Variants in EYA4 observed in about 807,000 individuals in gnomAD.
EYA4 encodes the protein protein phosphatase EYA4.
Under a neutral mutation model 87.9 loss-of-function variants are expected in EYA4, and 31 were observed. That is an observed-to-expected ratio of 0.35 (90% CI 0.27 to 0.48). The LOEUF (loss-of-function observed/expected upper bound fraction) is 0.48. Among genes scored for constraint, EYA4 ranks in the 20% least tolerant of loss-of-function variants. The pLI is 0.99. For missense variants in EYA4, 678 were observed against 761.4 expected (o/e 0.89, Z 1.29); for synonymous variants, 263 against 270.6 (o/e 0.97, Z 0.28).
intron 3 of EYA4, among the ~76,000 whole-genome samples, chr6:133,417,431 A>G (rs977674052): frequency 1.3e-5 from 2 of 152,202 alleles, no homozygotes; most frequent in African/African-American, 2.4e-5. Context: ...TGAGACAGTG[A>G]AAGAGGACCT....
chr6:133,508,340 A>T, intron 14 of EYA4, among the ~76,000 whole-genome samples: 1 of 143,528 alleles, frequency 7.0e-6, no homozygotes, highest in Non-Finnish European at 1.5e-5. Flanking sequence ...ATACAGAATG[A>T]TTTTATATAT....
intron 2 of EYA4, among the ~76,000 whole-genome samples, chr6:133,328,550 G>A (rs951955954): frequency 5.3e-5 from 8 of 152,046 alleles, no homozygotes; most frequent in African/African-American, 1.9e-4. Context: ...TTGATTTTAG[G>A]TAGAGAATAA....
chr6:133,404,280 A>G (rs1057466064), intron 3 of EYA4, among the ~76,000 whole-genome samples: 1 of 152,220 alleles, frequency 6.6e-6, no homozygotes, highest in Non-Finnish European at 1.5e-5. Flanking sequence ...GATGTTACTC[A>G]GTGATGAGGG....
intron 2 of EYA4, among the ~76,000 whole-genome samples, chr6:133,278,163 A>G (rs865879934): frequency 2.4e-4 from 36 of 151,532 alleles, no homozygotes; most frequent in Middle Eastern, 3.4e-3. Flanking sequence ...TGAGGTCTCT[A>G]TGCATTTGCA....
chr6:133,406,897 G>A (rs1788756706), intron 3 of EYA4, among the ~76,000 whole-genome samples: 1 of 152,076 alleles, frequency 6.6e-6, no homozygotes, highest in African/African-American at 2.4e-5. Flanking sequence ...TAAAATTAAA[G>A]TTACTTATAG....
At chr6:133,496,729 T>C (rs1029749283) in intron 13 of EYA4, among the ~76,000 whole-genome samples, 3 of 152,236 alleles carry the variant, frequency 2.0e-5, no homozygotes, top group African/African-American at 7.2e-5. Flanking sequence ...TGAGATAATG[T>C]ACGTATATAA....
At chr6:133,292,706 A>G (rs1435928937) in intron 2 of EYA4, among the ~76,000 whole-genome samples, 4 of 152,226 alleles carry the variant, frequency 2.6e-5, no homozygotes, top group Non-Finnish European at 5.9e-5. Context: ...AATGTTTTTA[A>G]AACATTAAAG....
chr6:133,330,549 T>TTA (rs1284047392), intron 2 of EYA4, among the ~76,000 whole-genome samples: 2,853 of 134,596 alleles, frequency 0.021, 36 homozygotes, highest in Middle Eastern at 0.04. Context: ...ATACTGAGAT[T>TTA]TATATATATA....
intron 2 of EYA4, among the ~76,000 whole-genome samples, chr6:133,276,993 T>A (rs1777232099): frequency 6.6e-6 from 1 of 152,132 alleles, no homozygotes; most frequent in Non-Finnish European, 1.5e-5. Flanking sequence ...ATTCTAAATT[T>A]TGTGGAGTAT....
At chr6:133,522,105 T>TA (rs1228894399) in intron 17 of EYA4, among the ~76,000 whole-genome samples, 3 of 145,316 alleles carry the variant, frequency 2.1e-5, no homozygotes, top group African/African-American at 5.0e-5. Context: ...CCCTAAAACT[T>TA]AAAGTATAAT....
chr6:133,250,650 A>G (rs1419628628), intron 1 of EYA4, among the ~76,000 whole-genome samples: 3 of 152,132 alleles, frequency 2.0e-5, no homozygotes, highest in East Asian at 1.9e-4. Context: ...TCAAAAATAA[A>G]TAAATAAATA....
chr6:133,456,533 C>G, intron 5 of EYA4, 23 bp from the exon 6 acceptor site: 1 of 1,503,312 alleles, frequency 6.7e-7, no homozygotes, highest in Admixed American at 1.7e-5. Flanking sequence ...GTAAAACTCA[C>G]ATGTACTTAT....
Position 133,299,939 on chromosome 6 carries a change from C to A in EYA4, c.33+25126C>A, listed in dbSNP as rs1337129748. Among the ~76,000 whole-genome samples the A allele has an allele frequency of 9.6e-3, 1,289 of 134,360 alleles. 11 individuals carry two copies. The highest frequency in any genetic ancestry group is 0.024 in the African/African-American group (803 of 33,240). 88.1% of individuals were successfully genotyped at this position (134,360 alleles called of 152,430 possible). ...TATATAAAGATCTCTATCTATCTAT[C>A]TATCTATCTATCTATCTATATATAT... On this transcript the variant is annotated intron_variant, in intron 2 of 19. Coordinates refer to ENST00000355286, the MANE Select transcript of EYA4 (RefSeq NM_004100.5).
chr6:133,247,216 C>T (rs1774480786), intron 1 of EYA4: 1 of 152,190 alleles, frequency 6.6e-6, no homozygotes, highest in African/African-American at 2.4e-5. Context: ...TAACCACAGT[C>T]ATGAAGGCTG....
intron 2 of EYA4, among the ~76,000 whole-genome samples, chr6:133,298,987 A>C (rs1779157623): frequency 6.6e-6 from 1 of 152,206 alleles, no homozygotes; most frequent in Non-Finnish European, 1.5e-5. Context: ...TGAGAGATTA[A>C]TAATAGAGCT....
intron 11 of EYA4, among the ~76,000 whole-genome samples, chr6:133,479,572 T>C (rs961128121): frequency 2.8e-5 from 4 of 143,718 alleles, no homozygotes; most frequent in African/African-American, 9.7e-5. Flanking sequence ...TCAGAATTGT[T>C]TTATTTTAAT....
chr6:133,395,442 C>T (rs555226198), intron 3 of EYA4, among the ~76,000 whole-genome samples: 1 of 152,232 alleles, frequency 6.6e-6, no homozygotes, highest in Non-Finnish European at 1.5e-5. Flanking sequence ...TAAATGTCAT[C>T]TGTAAATAAG....
chr6:133,526,236 C>G (rs1800621753), intron 19 of EYA4, among the ~76,000 whole-genome samples: 3 of 152,110 alleles, frequency 2.0e-5, no homozygotes, highest in Admixed American at 2.0e-4. Context: ...AAAACAAAGC[C>G]AGATGATGAA....
intron 2 of EYA4, among the ~76,000 whole-genome samples, chr6:133,361,895 G>A (rs1001484736): frequency 6.6e-6 from 1 of 152,336 alleles, no homozygotes; most frequent in Middle Eastern, 3.4e-3. Context: ...GCATGGAGAT[G>A]TTTTTGACAA....
Sources: gnomAD v4.1 joint callset for allele counts (sites outside exome capture counted in the v4.1 genomes callset) on GRCh38, gnomAD v4.1.1 for gene constraint, MANE v1.5 for transcripts, NCBI Gene and HGNC (gene_info 2026-07-23, HGNC 2026-07-21) for gene names.